Variants in PROCR observed in about 807,000 individuals in gnomAD.
The protein encoded by PROCR is protein C receptor.
In PROCR, 22 loss-of-function variants were observed where a neutral mutation model predicts 24.2. That is an observed-to-expected ratio of 0.91 (90% CI 0.65 to 1.30). The LOEUF is 1.30. Ranked by LOEUF, PROCR falls within the 50% of genes most tolerant of loss-of-function variation. The pLI is 0.00. For missense variants in PROCR, 288 were observed against 307.7 expected (o/e 0.94, Z 0.48); for synonymous variants, 137 against 139.2 (o/e 0.98, Z 0.11).
chr20:35,176,646 A>G lies in PROCR; in HGVS notation c.602-52A>G, dbSNP rs1311507388. 1.4e-5 allele frequency: 22 copies of G among 1,573,892 alleles called. No homozygotes were observed. In the East Asian group the frequency reaches 4.6e-4, roughly 33 times the overall value. ...AACGCTTTGGGGTTTGACTCAAATC[A>G]TGGACTCCTTGGGGGCCTATTCTTC... On this transcript the variant is annotated intron_variant, in intron 3 of 3. Coordinates refer to ENST00000216968, the MANE Select transcript of PROCR (RefSeq NM_006404.5).
At chr20:35,177,842 G>A (rs892252694), downstream of PROCR, among the ~76,000 whole-genome samples, 1 of 151,948 alleles carries the variant, frequency 6.6e-6, no homozygotes, top group Admixed American at 6.6e-5. Flanking sequence ...GCAAATTTGC[G>A]GACTAGAACT....
downstream of PROCR, among the ~76,000 whole-genome samples, chr20:35,179,126 G>T (rs912413620): frequency 6.7e-6 from 1 of 150,286 alleles, no homozygotes; most frequent in Admixed American, 6.7e-5. Context: ...CCAGCTCCTC[G>T]GGAGGCTGAG....
At chr20:35,201,273 C>CA (rs1187976976) in intron 1 of PROCR, among the ~76,000 whole-genome samples, 2 of 151,216 alleles carry the variant, frequency 1.3e-5, no homozygotes, top group Non-Finnish European at 1.5e-5. Context: ...CATTGAGAGG[C>CA]AAAAAAATGG....
At chr20:35,196,123 A>T (rs1164765689) in intron 1 of PROCR, among the ~76,000 whole-genome samples, 1 of 137,036 alleles carries the variant, frequency 7.3e-6, no homozygotes, top group Admixed American at 8.4e-5. Flanking sequence ...CAGAGGTTGC[A>T]GTGAGCCAGG....
intron 1 of PROCR, among the ~76,000 whole-genome samples, chr20:35,183,801 A>G (rs2086099368): frequency 6.6e-6 from 1 of 152,178 alleles, no homozygotes; most frequent in Admixed American, 6.5e-5. Context: ...AAGCAGAGTA[A>G]ATTTTAGACA....
chr20:35,188,500 A>G (rs1011325479), intron 1 of PROCR, among the ~76,000 whole-genome samples: 3 of 152,208 alleles, frequency 2.0e-5, no homozygotes, highest in African/African-American at 7.2e-5. Flanking sequence ...CATCTTATTT[A>G]TCTCTGTGTT....
intron 1 of PROCR, among the ~76,000 whole-genome samples, chr20:35,212,012 T>C (rs1023323915): frequency 6.6e-6 from 1 of 151,360 alleles, no homozygotes; most frequent in African/African-American, 2.4e-5. Flanking sequence ...AGTGAAACTC[T>C]GTCTCAAGAA....
intron 1 of PROCR, among the ~76,000 whole-genome samples, chr20:35,185,713 A>G (rs1274722616): frequency 1.3e-5 from 2 of 152,160 alleles, no homozygotes; most frequent in African/African-American, 4.8e-5. Flanking sequence ...GAATGATACA[A>G]TGGACTTTGG....
intron 2 of PROCR, among the ~76,000 whole-genome samples, chr20:35,175,393 G>A (rs983233449): frequency 8.0e-6 from 1 of 124,748 alleles, no homozygotes. Context: ...CTCATGACCC[G>A]AACTCTTCCC....
rs777663438 is a variant in PROCR at position 35,174,791 on chromosome 20, C to A, written c.160C>A (p.Leu54Ile). ...GGGCAACGCGTCGCTGGGGGGACAC[C>A]TAACGCACGTGCTGGAAGGCCCAGA... ...YQGNASLGGH[L>I]THVLEGPDTN... The change falls in exon 2 of 4, where the codon CTA becomes ATA. Residue 54 changes from leucine (L) to isoleucine (I), a missense_variant. Physicochemically the swap from Leu to Ile is conservative, Grantham distance 5. Coordinates refer to ENST00000216968, the MANE Select transcript of PROCR (RefSeq NM_006404.5). 1 of 1,614,066 alleles carries A rather than the reference C, an allele frequency of 6.2e-7. No homozygotes were observed. Among genetic ancestry groups the A allele is most frequent in the South Asian group, 1.1e-5 (1 of 91,078 alleles).
At chr20:35,209,326 AGAG>A (rs2060353580) in intron 1 of PROCR, among the ~76,000 whole-genome samples, 1 of 152,192 alleles carries the variant, frequency 6.6e-6, no homozygotes, top group Non-Finnish European at 1.5e-5. Context: ...GGGGAAGCCT[AGAG>A]GAGGAAGACA....
At chr20:35,178,507 G>GTTTTGTTTTTTTTTTTTTTTTT (rs1272557859), downstream of PROCR, among the ~76,000 whole-genome samples, 11 of 34,370 alleles carry the variant, frequency 3.2e-4, 3 homozygotes, top group African/African-American at 7.3e-4. Flanking sequence ...TCAAGTCTCA[G>GTTTTGTTTTTTTTTTTTTTTTT]TTTTTTTTTT....
intron 2 of PROCR, 51 bp downstream of exon 2, chr20:35,175,004 G>T (rs1208092505): frequency 2.3e-6 from 3 of 1,296,230 alleles, no homozygotes; most frequent in Admixed American, 2.9e-5. Context: ...AGTGGGGGCG[G>T]GGCCTGGCGG....
intron 1 of PROCR, among the ~76,000 whole-genome samples, chr20:35,173,195 G>A (rs1173919590): frequency 1.3e-5 from 2 of 152,134 alleles, no homozygotes; most frequent in Admixed American, 6.6e-5. Flanking sequence ...TCTTTTCTGG[G>A]TGTAGGAAGC....
At chr20:35,204,348 TCCTCCCTCCCTCCCTCCTTCCCTC>T (rs908364292) in intron 1 of PROCR, among the ~76,000 whole-genome samples, 7 of 150,156 alleles carry the variant, frequency 4.7e-5, no homozygotes, top group Non-Finnish European at 1.0e-4. Context: ...TTTCCTTCCT[TCCTCCCTCCCTCCCTCCTTCCCTC>T]CCTCCCTCCC....
intron 1 of PROCR, among the ~76,000 whole-genome samples, chr20:35,190,664 G>A (rs2086166155): frequency 6.6e-6 from 1 of 152,150 alleles, no homozygotes; most frequent in African/African-American, 2.4e-5. Context: ...TAATGAATGA[G>A]AGGAAGTCAG....
chr20:35,172,234 G>A lies in PROCR; in HGVS notation c.70+10G>A. 6.2e-7 allele frequency: 1 copy of A among 1,613,922 alleles called. No homozygotes were observed. ...CAAGACGCCTCAGATGGTGAGTCGG[G>A]GGCACATCTCCTGCCTCAGGATGGT... On this transcript the variant is annotated intron_variant, in intron 1 of 3. Transcript: ENST00000216968.
At chr20:35,210,143 T>C (rs747545273) in intron 1 of PROCR, among the ~76,000 whole-genome samples, 1 of 152,134 alleles carries the variant, frequency 6.6e-6, no homozygotes, top group Non-Finnish European at 1.5e-5. Context: ...GGAGAATTGC[T>C]TGAGCCCAGG....
downstream of PROCR, among the ~76,000 whole-genome samples, chr20:35,178,947 G>A (rs1027060967): frequency 4.0e-5 from 6 of 150,910 alleles, no homozygotes; most frequent in Non-Finnish European, 7.4e-5. Context: ...TATGCCAAGC[G>A]CAAGCTGGGC....
Sources: gnomAD v4.1 joint callset for allele counts (sites outside exome capture counted in the v4.1 genomes callset) on GRCh38, gnomAD v4.1.1 for gene constraint, MANE v1.5 for transcripts, NCBI Gene and HGNC (gene_info 2026-07-23, HGNC 2026-07-21) for gene names.